PTPRM: variants seen among roughly 807,000 people sequenced by gnomAD.
PTPRM encodes the protein protein tyrosine phosphatase receptor type M, also known as receptor-type tyrosine-protein phosphatase mu.
PTPRM carries 47 observed loss-of-function variants against 186.7 expected under a neutral mutation model. The ratio of observed to expected loss-of-function variants is 0.25; its 90% CI spans 0.20 to 0.32. The LOEUF (loss-of-function observed/expected upper bound fraction) is 0.32. PTPRM is among the 10% of genes least tolerant of loss of function. PTPRM has a pLI of 1.00. For missense variants in PTPRM, 1,494 were observed against 1,865.0 expected, an observed-to-expected ratio of 0.80 and a Z score of 3.66; for synonymous variants, 668 against 674.9, an observed-to-expected ratio of 0.99 and a Z score of 0.16.
At chr18:7,571,856 GT>G (rs1033105065) in intron 1 of PTPRM, among the ~76,000 whole-genome samples, 24 of 152,050 alleles carry the variant, frequency 1.6e-4, no homozygotes, top group African/African-American at 5.3e-4. Context: ...AGTTTGTATT[GT>G]TTTTGCAAGT....
chr18:8,175,178 T>G (rs1437442013), intron 14 of PTPRM, among the ~76,000 whole-genome samples: 1 of 152,214 alleles, frequency 6.6e-6, no homozygotes, highest in African/African-American at 2.4e-5. Flanking sequence ...GCAGACTAAT[T>G]AAGGAAAATT....
intron 14 of PTPRM, among the ~76,000 whole-genome samples, chr18:8,197,569 C>T (rs2093796795): frequency 2.6e-5 from 4 of 152,246 alleles, no homozygotes; most frequent in Middle Eastern, 3.4e-3. Flanking sequence ...TATTGGGAGT[C>T]GGTATTGGAC....
chr18:7,864,791 A>G (rs1014491879), intron 2 of PTPRM, among the ~76,000 whole-genome samples: 23 of 152,288 alleles, frequency 1.5e-4, no homozygotes, highest in Non-Finnish European at 1.0e-4. Context: ...TTTGGGCAGT[A>G]TGGCCATTTT....
intron 5 of PTPRM, among the ~76,000 whole-genome samples, chr18:7,942,885 G>A (rs922675816): frequency 2.6e-5 from 4 of 151,946 alleles, no homozygotes; most frequent in Admixed American, 6.6e-5. Flanking sequence ...GCTGCCTTAC[G>A]CGTGTCTTCT....
intron 19 of PTPRM, among the ~76,000 whole-genome samples, chr18:8,289,475 TA>T (rs2095001998): frequency 1.1e-5 from 1 of 90,402 alleles, no homozygotes; most frequent in African/African-American, 6.7e-5. Context: ...TATACACACA[TA>T]TGTATATATA....
chr18:8,087,457 A>G (rs2090490800), intron 10 of PTPRM, among the ~76,000 whole-genome samples: 1 of 152,134 alleles, frequency 6.6e-6, no homozygotes, highest in Non-Finnish European at 1.5e-5. Flanking sequence ...AAACACAATC[A>G]TGGTAGATTC....
At chr18:7,684,022 G>T (rs911896209) in intron 1 of PTPRM, among the ~76,000 whole-genome samples, 5 of 152,200 alleles carry the variant, frequency 3.3e-5, no homozygotes, top group Admixed American at 1.3e-4. Context: ...GGCCTGCAGT[G>T]GTTTATCCAG....
intron 7 of PTPRM, among the ~76,000 whole-genome samples, chr18:8,041,925 G>T (rs1165158018): frequency 1.3e-5 from 2 of 152,192 alleles, no homozygotes; most frequent in African/African-American, 4.8e-5. Context: ...AAACTAATGT[G>T]CAGTTGTAAA....
At chr18:8,249,716 T>C (rs142775326) in intron 17 of PTPRM, among the ~76,000 whole-genome samples, 132 of 152,270 alleles carry the variant, frequency 8.7e-4, no homozygotes, top group Non-Finnish European at 1.6e-3. Flanking sequence ...TAAACAAATA[T>C]CATTCTTTAA....
intron 1 of PTPRM, chr18:7,755,110 TG>T (rs1031143081): frequency 8.5e-5 from 13 of 152,242 alleles, no homozygotes; most frequent in Admixed American, 3.9e-4. Flanking sequence ...TTGTAATACT[TG>T]GGACCAAGAA....
At chr18:7,805,223 T>A (rs1344428022) in intron 2 of PTPRM, among the ~76,000 whole-genome samples, 1 of 152,220 alleles carries the variant, frequency 6.6e-6, no homozygotes, top group African/African-American at 2.4e-5. Context: ...GCTTTGTTTT[T>A]CACATAACAG....
At chr18:7,671,684 A>G (rs2039219541) in intron 1 of PTPRM, among the ~76,000 whole-genome samples, 1 of 152,236 alleles carries the variant, frequency 6.6e-6, no homozygotes, top group African/African-American at 2.4e-5. Context: ...GAGAAAATTA[A>G]CCTTTCATTC....
chr18:8,087,902 A>G (rs185542357), intron 10 of PTPRM, among the ~76,000 whole-genome samples: 1 of 152,208 alleles, frequency 6.6e-6, no homozygotes, highest in Admixed American at 6.6e-5. Context: ...GCTCCGTGTA[A>G]TGATTTGTCT....
At chr18:7,915,648 C>G (rs187237111) in intron 4 of PTPRM, among the ~76,000 whole-genome samples, 1 of 152,140 alleles carries the variant, frequency 6.6e-6, no homozygotes, top group African/African-American at 2.4e-5. Flanking sequence ...GAAATAGGTA[C>G]TTTTAAAAAA....
intron 1 of PTPRM, among the ~76,000 whole-genome samples, chr18:7,650,703 A>G (rs556023636): frequency 2.2e-4 from 33 of 152,118 alleles, no homozygotes; most frequent in Non-Finnish European, 4.0e-4. Flanking sequence ...GAACCACCTT[A>G]CAGTATGCTG....
chr18:7,700,119 A>T (rs539178628), intron 1 of PTPRM, among the ~76,000 whole-genome samples: 4 of 152,344 alleles, frequency 2.6e-5, no homozygotes. Flanking sequence ...AGAGTCAGTT[A>T]ATGTGGAACT....
chr18:8,319,589 C>T (rs182173422), intron 22 of PTPRM, among the ~76,000 whole-genome samples: 10 of 152,334 alleles, frequency 6.6e-5, no homozygotes, highest in African/African-American at 2.4e-4. Flanking sequence ...GCAAGCACCC[C>T]CTTCTCACAG....
At chr18:7,991,011 G>A (rs923729483) in intron 7 of PTPRM, among the ~76,000 whole-genome samples, 2 of 152,130 alleles carry the variant, frequency 1.3e-5, no homozygotes, top group African/African-American at 4.8e-5. Flanking sequence ...GTATAATTGA[G>A]TGTAATTCAG....
intron 4 of PTPRM, among the ~76,000 whole-genome samples, chr18:7,912,201 T>C (rs73379953): frequency 0.081 from 12,350 of 152,216 alleles, 760 homozygotes; most frequent in East Asian, 0.18. Context: ...GAGTTAATAT[T>C]TGTGTATGCT....
Sources: allele counts gnomAD v4.1 joint callset (sites outside exome capture counted in the v4.1 genomes callset), GRCh38; gene constraint gnomAD v4.1.1; transcripts MANE v1.5; gene names NCBI Gene and HGNC (gene_info 2026-07-23, HGNC 2026-07-21).